TNR: variants seen among roughly 807,000 people sequenced by gnomAD.
TNR encodes the protein tenascin R.
Under a neutral mutation model 150.4 loss-of-function variants are expected in TNR, and 45 were observed. The observed-to-expected ratio is 0.30, with a 90% CI of 0.24 to 0.38. The LOEUF (loss-of-function observed/expected upper bound fraction) is 0.38, where lower values mean the gene tolerates loss of function less well. Among genes scored for constraint, TNR ranks in the 10% least tolerant of loss-of-function variants. The pLI is 1.00. For synonymous variants in TNR, 687 were observed against 678.4 expected (o/e 1.01, Z -0.20); for missense variants, 1,544 against 1,759.1 (o/e 0.88, Z 2.19).
intron 1 of TNR, among the ~76,000 whole-genome samples, chr1:175,605,133 A>C (rs906308656): frequency 1.3e-5 from 2 of 152,252 alleles, no homozygotes; most frequent in African/African-American, 4.8e-5. Context: ...CAGGCTGCAC[A>C]TCATAAAGAT....
At chr1:175,712,994 G>A (rs1015526849) in intron 1 of TNR, among the ~76,000 whole-genome samples, 2 of 152,180 alleles carry the variant, frequency 1.3e-5, no homozygotes, top group Non-Finnish European at 1.5e-5. Flanking sequence ...TTGAAGGGTG[G>A]TACCCTTTGG....
chr1:175,433,607 T>C (rs1200718342), intron 2 of TNR, among the ~76,000 whole-genome samples: 1 of 152,208 alleles, frequency 6.6e-6, no homozygotes, highest in East Asian at 1.9e-4. Flanking sequence ...TCCAGGACCT[T>C]GGGCAAGGCA....
At chr1:175,501,024 G>T (rs1658711882) in intron 2 of TNR, among the ~76,000 whole-genome samples, 1 of 152,168 alleles carries the variant, frequency 6.6e-6, no homozygotes, top group Admixed American at 6.5e-5. Flanking sequence ...CTCCCTGTGA[G>T]TGTGGCGAGG....
At chr1:175,640,837 A>G (rs1334408418) in intron 1 of TNR, among the ~76,000 whole-genome samples, 1 of 151,854 alleles carries the variant, frequency 6.6e-6, no homozygotes, top group African/African-American at 2.4e-5. Flanking sequence ...ATAACTATAA[A>G]TTACCAGAAA....
intron 1 of TNR, among the ~76,000 whole-genome samples, chr1:175,686,519 G>A (rs550347682): frequency 1.3e-5 from 2 of 152,148 alleles, no homozygotes; most frequent in Non-Finnish European, 2.9e-5. Flanking sequence ...TGGGGTATGT[G>A]TGCAGATTTG....
intron 1 of TNR, among the ~76,000 whole-genome samples, chr1:175,615,286 T>C (rs1041092036): frequency 6.6e-6 from 1 of 152,222 alleles, no homozygotes; most frequent in African/African-American, 2.4e-5. Context: ...TCCTTAAAGT[T>C]TGCTCTATGA....
rs768249954 is a variant in TNR at position 175,382,984 on chromosome 1, G to A, written c.1777+3048C>T. On this transcript the variant is annotated intron_variant, in intron 8 of 22. Coordinates refer to ENST00000367674, the MANE Select transcript of TNR (RefSeq NM_003285.3). ...GGCTGCTTCCTTCTGAGGGCTGTGA[G>A]TGAGAATCTGTTGCATGCCTCTCCT... Among the ~76,000 whole-genome samples the A allele has an allele frequency of 1.5e-4, 23 of 152,148 alleles. 1 individual carries two copies. Among genetic ancestry groups the A allele is most frequent in the Admixed American group, 1.0e-3 (16 of 15,280 alleles).
intron 1 of TNR, among the ~76,000 whole-genome samples, chr1:175,650,892 C>A: frequency 8.4e-6 from 1 of 118,460 alleles, no homozygotes; most frequent in Non-Finnish European, 1.7e-5. Flanking sequence ...CACCTCATTA[C>A]TACCCCTCTC....
intron 1 of TNR, among the ~76,000 whole-genome samples, chr1:175,556,140 A>G (rs1175124434): frequency 1.3e-5 from 2 of 152,260 alleles, no homozygotes; most frequent in African/African-American, 4.8e-5. Context: ...TGAAATACAG[A>G]GCCATTCTGA....
rs540184412 is a variant in TNR, at chr1:175,523,925, C to T, written c.-64+4344G>A. On this transcript the variant is annotated intron_variant, in intron 2 of 22. Coordinates refer to ENST00000367674, the MANE Select transcript of TNR (RefSeq NM_003285.3). ...TGCCATGTACATAGCAGCGTCTACA[C>T]GTCAGGCTGCTTTGGTCCCATGATC... Among the ~76,000 whole-genome samples the T allele has an allele frequency of 4.6e-5, 7 of 152,158 alleles. 1 individual carries two copies. Among genetic ancestry groups the T allele is most frequent in the Non-Finnish European group, 7.4e-5 (5 of 68,026 alleles).
chr1:175,358,225 C>A (rs1185255033), intron 15 of TNR, among the ~76,000 whole-genome samples: 1 of 152,124 alleles, frequency 6.6e-6, no homozygotes, highest in Non-Finnish European at 1.5e-5. Context: ...TAATGCTATC[C>A]CTTCTTCATG....
intron 1 of TNR, among the ~76,000 whole-genome samples, chr1:175,677,244 A>G (rs746891494): frequency 2.0e-5 from 3 of 152,266 alleles, no homozygotes; most frequent in Non-Finnish European, 4.4e-5. Flanking sequence ...AATAGTTGTA[A>G]CCAGAGTGCA....
At chr1:175,390,783 T>A (rs1349661915) in intron 7 of TNR, among the ~76,000 whole-genome samples, 1 of 152,262 alleles carries the variant, frequency 6.6e-6, no homozygotes, top group Non-Finnish European at 1.5e-5. Flanking sequence ...CTCACTCTCA[T>A]CAGCACAGAG....
At position 175,403,253 on chromosome 1, in the gene TNR, A is replaced by G; in HGVS notation, c.863T>C (p.Val288Ala). 1 of 1,613,782 alleles carries G rather than the reference A, an allele frequency of 6.2e-7. No homozygotes were observed. The highest frequency in any genetic ancestry group is 1.1e-5 in the South Asian group (1 of 91,064). The change falls in exon 4 of 23, where the codon GTT becomes GCT. Residue 288 changes from valine (V) to alanine (A), a missense_variant. By Grantham distance (64) the Val-to-Ala change is moderately conservative. Coordinates refer to ENST00000367674, the MANE Select transcript of TNR (RefSeq NM_003285.3). ...CTGCCGCTGGCCGCAGTCCTCACCA[A>G]CGTAGCCCTCCTCGCATAAACAGGT... ...NGTCLCEEGY[V>A]GEDCGQRQCL...
At chr1:175,531,363 T>G (rs987102367) in intron 1 of TNR, among the ~76,000 whole-genome samples, 40 of 152,320 alleles carry the variant, frequency 2.6e-4, no homozygotes, top group African/African-American at 9.4e-4. Context: ...GGCCTTATCT[T>G]AAGATAGATT....
intron 2 of TNR, among the ~76,000 whole-genome samples, chr1:175,455,442 C>T (rs144941591): frequency 1.6e-3 from 244 of 152,348 alleles, no homozygotes; most frequent in African/African-American, 5.5e-3. Context: ...AATAAGTAGG[C>T]GTTTCCCCTT....
At chr1:175,730,584 A>C (rs1667611916) in intron 1 of TNR, among the ~76,000 whole-genome samples, 1 of 152,232 alleles carries the variant, frequency 6.6e-6, no homozygotes, top group Non-Finnish European at 1.5e-5. Context: ...TCATTCACTC[A>C]ACCAATATTT....
chr1:175,724,666 T>G (rs1667429809), intron 1 of TNR, among the ~76,000 whole-genome samples: 2 of 152,240 alleles, frequency 1.3e-5, no homozygotes, highest in Non-Finnish European at 2.9e-5. Context: ...TTATGTTTTA[T>G]GTACACTTTT....
chr1:175,634,774 C>G lies in TNR; in HGVS notation c.-164-106405G>C, dbSNP rs967455884. Among the ~76,000 whole-genome samples, 11 of 152,290 alleles carry G rather than the reference C, an allele frequency of 7.2e-5. No individual in the cohort carries two copies. In the South Asian group the frequency reaches 8.3e-4, roughly 11 times the overall value. ...CTCCTGTAGCACCAGAAGTCAGTCC[C>G]AAGTTGCCACTCCTAATCGATATGC... On this transcript the variant is annotated intron_variant, in intron 1 of 22. Coordinates refer to ENST00000367674, the MANE Select transcript of TNR (RefSeq NM_003285.3).
Sources: allele counts gnomAD v4.1 joint callset (sites outside exome capture counted in the v4.1 genomes callset), GRCh38; gene constraint gnomAD v4.1.1; transcripts MANE v1.5; gene names NCBI Gene and HGNC (gene_info 2026-07-23, HGNC 2026-07-21).